The following NCOR2 variants were observed in gnomAD, a reference collection of about 807,000 sequenced individuals.
NCOR2 encodes the protein nuclear receptor corepressor 2.
In NCOR2, 81 loss-of-function variants were observed where a neutral mutation model predicts 262.9. That is an observed-to-expected ratio of 0.31 (90% CI 0.26 to 0.37). NCOR2 has a LOEUF of 0.37. NCOR2 is among the 10% of genes least tolerant of loss of function. The pLI is 1.00. For missense variants in NCOR2, 3,385 were observed against 3,621.4 expected, an observed-to-expected ratio of 0.93 and a Z score of 1.68; for synonymous variants, 1,659 against 1,559.3, an observed-to-expected ratio of 1.06 and a Z score of -1.51.
At chr12:124,374,998 C>T (rs950453553) in intron 18 of NCOR2, among the ~76,000 whole-genome samples, 4 of 152,328 alleles carry the variant, frequency 2.6e-5, no homozygotes, top group Admixed American at 6.5e-5. Context: ...ACAGCAGCAA[C>T]GCTGGCTGCA....
At chr12:124,397,001 G>A (rs771531904) in intron 16 of NCOR2, among the ~76,000 whole-genome samples, 3 of 152,218 alleles carry the variant, frequency 2.0e-5, no homozygotes, top group Non-Finnish European at 4.4e-5. Context: ...GGACAGGGAC[G>A]GGGAGTGGGG....
chr12:124,492,581 T>C (rs930174478), intron 1 of NCOR2, among the ~76,000 whole-genome samples: 7 of 152,128 alleles, frequency 4.6e-5, no homozygotes, highest in Non-Finnish European at 7.4e-5. Context: ...CCTCGGCTAC[T>C]GTACGAGGAA....
At chr12:124,327,515 C>G in exon 45 of NCOR2, 2 of 1,613,800 alleles carry the variant, frequency 1.2e-6, no homozygotes, top group Non-Finnish European at 1.7e-6. Context: ...TGGCGCTGAG[C>G]GGCGGGGACT....
rs114644776 is a variant in NCOR2, at chr12:124,350,856, A to G, written c.3694-119T>C. 2,512 of 1,038,318 alleles carry G rather than the reference A, an allele frequency of 2.4e-3. 51 individuals carry two copies. In the African/African-American group the frequency reaches 0.037, roughly 15 times the overall value. 64.3% of individuals were successfully genotyped at this position (1,038,318 alleles called of 1,614,324 possible). ...CCCACCGATGCACACGCGTGTCCAC[A>G]CACACACTGTCTCAAATAGGTAAGA... On this transcript the variant is annotated intron_variant, in intron 27 of 46. Transcript: ENST00000405201.
At chr12:124,385,439 C>T (rs1269282035) in intron 17 of NCOR2, among the ~76,000 whole-genome samples, 1 of 152,216 alleles carries the variant, frequency 6.6e-6, no homozygotes, top group African/African-American at 2.4e-5. Flanking sequence ...GCTCCTTCCC[C>T]CACACCGTGA....
intron 4 of NCOR2, among the ~76,000 whole-genome samples, chr12:124,471,548 G>A (rs1322427712): frequency 6.6e-6 from 1 of 152,206 alleles, no homozygotes; most frequent in African/African-American, 2.4e-5. Context: ...TCACCAGCAG[G>A]GTGATGAGAC....
At chr12:124,424,332 G>A (rs1020990077) in intron 11 of NCOR2, among the ~76,000 whole-genome samples, 4 of 152,028 alleles carry the variant, frequency 2.6e-5, no homozygotes, top group African/African-American at 7.2e-5. Flanking sequence ...CACCTCCCTC[G>A]TTCAAAACTG....
At chr12:124,341,532 C>T (rs1593130024) in intron 34 of NCOR2, among the ~76,000 whole-genome samples, 1 of 152,198 alleles carries the variant, frequency 6.6e-6, no homozygotes, top group Non-Finnish European at 1.5e-5. Context: ...CCACTGTGCC[C>T]GGCCACATTT....
At chr12:124,466,387 G>A (rs912821287) in intron 4 of NCOR2, 101 bp from the exon 7 acceptor site, 32 of 1,022,904 alleles carry the variant, frequency 3.1e-5, no homozygotes, top group Middle Eastern at 2.9e-4. Flanking sequence ...CCCGGGCCAC[G>A]GCCGCGCACA....
At chr12:124,442,010 C>T (rs1022415879) in intron 7 of NCOR2, among the ~76,000 whole-genome samples, 7 of 152,200 alleles carry the variant, frequency 4.6e-5, no homozygotes, top group African/African-American at 1.4e-4. Context: ...ACAAATGTCA[C>T]GTGAGAACCT....
chr12:124,554,402 T>C (rs1366908386), intron 1 of NCOR2, among the ~76,000 whole-genome samples: 1 of 151,910 alleles, frequency 6.6e-6, no homozygotes, highest in Admixed American at 6.5e-5. Context: ...CAGCTGGGCA[T>C]CCAGACAGGG....
intron 27 of NCOR2, among the ~76,000 whole-genome samples, chr12:124,353,007 G>C (rs546083836): frequency 1.3e-5 from 2 of 152,234 alleles, no homozygotes; most frequent in Non-Finnish European, 2.9e-5. Context: ...GCCACACGCT[G>C]ACTTCCTCAC....
intron 13 of NCOR2, among the ~76,000 whole-genome samples, chr12:124,403,273 C>T (rs1019638306): frequency 6.6e-6 from 1 of 152,168 alleles, no homozygotes; most frequent in African/African-American, 2.4e-5. Flanking sequence ...TGGTCTCCCT[C>T]GCATGCCAGC....
chr12:124,449,907 G>T (rs780053481), intron 6 of NCOR2, 40 bp from the exon 9 acceptor site: 2 of 1,604,034 alleles, frequency 1.2e-6, no homozygotes, highest in Non-Finnish European at 1.7e-6. Flanking sequence ...AGCCTGGCTG[G>T]CCACTCGCCA....
At chr12:124,428,086 T>TGTGTGTGTGTGCGCGC (rs958627720) in intron 10 of NCOR2, among the ~76,000 whole-genome samples, 1 of 147,054 alleles carries the variant, frequency 6.8e-6, no homozygotes, top group Non-Finnish European at 1.5e-5. Flanking sequence ...TGTGTGTGTG[T>TGTGTGTGTGTGCGCGC]GTACATGCAA....
intron 44 of NCOR2, among the ~76,000 whole-genome samples, chr12:124,329,830 G>A (rs1280276482): frequency 1.3e-5 from 2 of 152,174 alleles, no homozygotes; most frequent in Non-Finnish European, 2.9e-5. Flanking sequence ...AGATACACCT[G>A]TGTGTCTAGC....
intron 17 of NCOR2, among the ~76,000 whole-genome samples, chr12:124,384,544 C>T (rs986680881): frequency 6.6e-6 from 1 of 152,176 alleles, no homozygotes; most frequent in African/African-American, 2.4e-5. Flanking sequence ...GAGCCACCAG[C>T]GGCCGCGCGC....
chr12:124,361,206 C>T (rs1376141068), intron 22 of NCOR2, among the ~76,000 whole-genome samples: 7 of 151,968 alleles, frequency 4.6e-5, no homozygotes, highest in South Asian at 2.1e-4. Context: ...TCCAGTCACC[C>T]GGATTTGTCC....
At chr12:124,492,722 AG>A (rs1046704486) in intron 1 of NCOR2, among the ~76,000 whole-genome samples, 1 of 152,118 alleles carries the variant, frequency 6.6e-6, no homozygotes, top group African/African-American at 2.4e-5. Context: ...AAGGACAGGA[AG>A]GGTTTGAGGG....
Sources: allele counts gnomAD v4.1 joint callset (sites outside exome capture counted in the v4.1 genomes callset), GRCh38; gene constraint gnomAD v4.1.1; transcripts MANE v1.5; gene names NCBI Gene and HGNC (gene_info 2026-07-23, HGNC 2026-07-21).